Variants in KAZN observed in about 807,000 individuals in gnomAD.
The protein encoded by KAZN is kazrin.
Under a neutral mutation model 87.4 loss-of-function variants are expected in KAZN, and 40 were observed. The ratio of observed to expected loss-of-function variants is 0.46; its 90% CI spans 0.36 to 0.60. The LOEUF (loss-of-function observed/expected upper bound fraction) is 0.60, where lower values mean the gene tolerates loss of function less well. Among genes scored for constraint, KAZN ranks in the 20% least tolerant of loss-of-function variants. KAZN has a pLI of 0.00. For missense variants in KAZN, 898 were observed against 1,073.9 expected (o/e 0.84, Z 2.29); for synonymous variants, 466 against 458.3 (o/e 1.02, Z -0.22).
chr1:14,546,054 A>G (rs930611747), intron 2 of KAZN, among the ~76,000 whole-genome samples: 40 of 152,176 alleles, frequency 2.6e-4, no homozygotes, highest in African/African-American at 9.4e-4. Context: ...TGGATCTTAC[A>G]TGATGTACCT....
intron 1 of KAZN, among the ~76,000 whole-genome samples, chr1:13,963,157 G>A (rs920357000): frequency 5.3e-5 from 8 of 152,148 alleles, no homozygotes; most frequent in Non-Finnish European, 1.0e-4. Context: ...TGGTGATGGG[G>A]AGTGGGGAAA....
At chr1:14,376,854 C>T (rs1660956395) in intron 2 of KAZN, among the ~76,000 whole-genome samples, 1 of 152,158 alleles carries the variant, frequency 6.6e-6, no homozygotes, top group East Asian at 1.9e-4. Context: ...ATCAAGGCAG[C>T]AACAACAAAC....
At chr1:14,396,327 T>C (rs746539628) in intron 2 of KAZN, among the ~76,000 whole-genome samples, 2 of 152,286 alleles carry the variant, frequency 1.3e-5, no homozygotes, top group African/African-American at 4.8e-5. Flanking sequence ...ACAGTTTCTC[T>C]AGTTCAGCCA....
At chr1:14,778,037 A>G (rs1246442699) in intron 1 of KAZN, among the ~76,000 whole-genome samples, 3 of 152,124 alleles carry the variant, frequency 2.0e-5, no homozygotes, top group Non-Finnish European at 4.4e-5. Context: ...TTTATCAGCA[A>G]GGTCTTTATG....
chr1:14,206,632 A>T (rs183342341), intron 2 of KAZN, among the ~76,000 whole-genome samples: 2 of 152,136 alleles, frequency 1.3e-5, no homozygotes, highest in Non-Finnish European at 2.9e-5. Context: ...ACATTTTTAA[A>T]CAAAATTATA....
At chr1:14,660,276 G>A (rs1272475021) in intron 1 of KAZN, among the ~76,000 whole-genome samples, 1 of 152,118 alleles carries the variant, frequency 6.6e-6, no homozygotes, top group Non-Finnish European at 1.5e-5. Flanking sequence ...ACAATAAGAC[G>A]AATAATAACA....
upstream of KAZN, among the ~76,000 whole-genome samples, chr1:14,595,447 G>A (rs1676439375): frequency 2.0e-5 from 3 of 152,074 alleles, no homozygotes; most frequent in Admixed American, 2.0e-4. Flanking sequence ...GGAGGCCGAG[G>A]CAGGTGGATT....
chr1:14,658,608 G>A (rs1557869761), intron 1 of KAZN, among the ~76,000 whole-genome samples: 2 of 151,630 alleles, frequency 1.3e-5, no homozygotes, highest in Non-Finnish European at 2.9e-5. Flanking sequence ...GAAAATATAT[G>A]TATATATATA....
chr1:14,602,722 C>A (rs973922123), intron 1 of KAZN, among the ~76,000 whole-genome samples: 1 of 152,152 alleles, frequency 6.6e-6, no homozygotes, highest in Non-Finnish European at 1.5e-5. Context: ...ATGCATAGAA[C>A]AAAACAATTA....
intron 2 of KAZN, among the ~76,000 whole-genome samples, chr1:15,005,456 T>C (rs1456208966): frequency 4.6e-5 from 7 of 152,044 alleles, no homozygotes; most frequent in Non-Finnish European, 1.0e-4. Flanking sequence ...CACCCCTTCC[T>C]GTTTTGTTTT....
intron 1 of KAZN, among the ~76,000 whole-genome samples, chr1:14,921,715 G>C: frequency 6.6e-6 from 1 of 152,118 alleles, no homozygotes; most frequent in Non-Finnish European, 1.5e-5. Context: ...TGTTGTTCTT[G>C]TTTGTTTGTT....
At chr1:14,045,236 T>C (rs937398315) in intron 1 of KAZN, among the ~76,000 whole-genome samples, 1 of 152,102 alleles carries the variant, frequency 6.6e-6, no homozygotes, top group Non-Finnish European at 1.5e-5. Context: ...CCACTAAGTG[T>C]TGGGGTAATT....
intron 1 of KAZN, among the ~76,000 whole-genome samples, chr1:14,919,324 G>A (rs189883500): frequency 8.5e-4 from 129 of 152,276 alleles, no homozygotes; most frequent in African/African-American, 2.8e-3. Context: ...TGACAGGCGC[G>A]TTCCACCACA....
chr1:14,102,192 C>A (rs1035410089), intron 1 of KAZN, among the ~76,000 whole-genome samples: 23 of 152,244 alleles, frequency 1.5e-4, no homozygotes, highest in African/African-American at 5.3e-4. Context: ...CCGGGGAAGA[C>A]GCCCTCAGCA....
At chr1:15,088,063 G>T (rs1640347251) in intron 8 of KAZN, among the ~76,000 whole-genome samples, 1 of 152,218 alleles carries the variant, frequency 6.6e-6, no homozygotes, top group African/African-American at 2.4e-5. Flanking sequence ...GTCTAGGCCA[G>T]GCGTTTCTCT....
chr1:14,599,490 C>T lies in KAZN; in HGVS notation c.226+267C>T, dbSNP rs1290991. On this transcript the variant is annotated intron_variant, in intron 1 of 14. Coordinates refer to ENST00000376030, the MANE Select transcript of KAZN (RefSeq NM_201628.3). The surrounding 1 kb of genome is among the most constrained non-coding windows in gnomAD (Gnocchi z 4.4). The stretch of plus-strand genomic sequence containing the variant: ...CCTGAGCGAGGCGCAGCCGGCGGGT[C>T]CCTTCCGGCATCAGAAAGTGCCCTT... 0.083 allele frequency among the ~76,000 whole-genome samples: 12,607 copies of T among 152,224 alleles called. 1,765 individuals are homozygous for T. The highest frequency in any genetic ancestry group is 0.29 in the African/African-American group (11,991 of 41,518).
At chr1:13,960,186 A>G in intron 1 of KAZN, among the ~76,000 whole-genome samples, 1 of 152,236 alleles carries the variant, frequency 6.6e-6, no homozygotes, top group East Asian at 1.9e-4. Context: ...ATTCTTGAGT[A>G]TATGCCAAGC....
At chr1:14,924,809 G>A (rs1214531609) in intron 1 of KAZN, among the ~76,000 whole-genome samples, 1 of 152,132 alleles carries the variant, frequency 6.6e-6, no homozygotes, top group East Asian at 1.9e-4. Flanking sequence ...CCAGGACCGC[G>A]CTTGCCGGAG....
rs181085503 is a variant in KAZN at position 14,688,156 on chromosome 1, C to T, written c.226+88933C>T. 6.2e-4 allele frequency among the ~76,000 whole-genome samples: 95 copies of T among 152,336 alleles called. 1 individual carries two copies. The highest frequency in any genetic ancestry group is 2.2e-3 in the African/African-American group (93 of 41,572). Reference sequence around the variant, plus strand: ...CTGCTTTTACTGTCTTCATACCCAGCCTCTGGGCACAACAGAGCTGGGTTA... The same window carrying T: ...CTGCTTTTACTGTCTTCATACCCAGTCTCTGGGCACAACAGAGCTGGGTTA... On this transcript the variant is annotated intron_variant, in intron 1 of 14. Coordinates refer to ENST00000376030, the MANE Select transcript of KAZN (RefSeq NM_201628.3).
Sources: allele counts gnomAD v4.1 joint callset (sites outside exome capture counted in the v4.1 genomes callset), GRCh38; gene constraint gnomAD v4.1.1; non-coding constraint Gnocchi (gnomAD v3.1); transcripts MANE v1.5; gene names NCBI Gene and HGNC (gene_info 2026-07-23, HGNC 2026-07-21).